NFS1: variants seen among roughly 807,000 people sequenced by gnomAD.
The protein encoded by NFS1 is cysteine desulfurase.
Under a neutral mutation model 57.3 loss-of-function variants are expected in NFS1, and 26 were observed. The observed-to-expected ratio is 0.45, with a 90% CI of 0.33 to 0.63. The LOEUF (loss-of-function observed/expected upper bound fraction) is 0.63. Ranked by LOEUF, NFS1 falls within the 20% of genes least tolerant of loss-of-function variation. The probability of loss-of-function intolerance (pLI) is 0.02; values close to 1 mark genes in which losing one functional copy is unlikely to be tolerated. For missense variants in NFS1, 505 were observed against 605.8 expected (o/e 0.83, Z 1.75); for synonymous variants, 209 against 216.3 (o/e 0.97, Z 0.30).
At chr20:35,691,866 T>C (rs978753698) in intron 4 of NFS1, among the ~76,000 whole-genome samples, 1 of 148,390 alleles carries the variant, frequency 6.7e-6, no homozygotes, top group African/African-American at 2.5e-5. Context: ...CTGACGAACA[T>C]GGTGGAACCC....
intron 4 of NFS1, among the ~76,000 whole-genome samples, chr20:35,696,031 T>C (rs1381308673): frequency 2.0e-5 from 3 of 150,468 alleles, no homozygotes; most frequent in Non-Finnish European, 4.4e-5. Flanking sequence ...AGAGTGAGAC[T>C]ATGTATCAAA....
chr20:35,698,006 G>A (rs903463915), intron 2 of NFS1, among the ~76,000 whole-genome samples: 3 of 151,972 alleles, frequency 2.0e-5, no homozygotes, highest in Non-Finnish European at 2.9e-5. Context: ...ATCCCAACTC[G>A]GATTGTTCTG....
At position 35,699,059 on chromosome 20, in the gene NFS1, G is replaced by A. The variant is rs1367047667; in HGVS notation, c.97+133C>T. On this transcript the variant is annotated intron_variant, in intron 1 of 12. Transcript: ENST00000374092. This position sits in a 1 kb window ranked among gnomAD's most constrained non-coding sequence, Gnocchi z 4.4. ...CGGGGACCCGCCTAAGAAAGTTTGA[G>A]GGATGTGTCATTTGAGAGAAGGGTC... The A allele has an allele frequency of 1.5e-6, 2 of 1,323,046 alleles. No homozygotes were observed. The highest frequency in any genetic ancestry group is 1.9e-6 in the Non-Finnish European group (2 of 1,039,132). 82.0% of individuals were successfully genotyped at this position (1,323,046 alleles called of 1,614,324 possible).
At chr20:35,686,483 T>C (rs1025623582) in intron 5 of NFS1, among the ~76,000 whole-genome samples, 16 of 152,176 alleles carry the variant, frequency 1.1e-4, no homozygotes, top group African/African-American at 3.6e-4. Context: ...AGCCAGTGAA[T>C]TGTATAATTT....
chr20:35,691,160 A>G (rs2035033472), intron 4 of NFS1, among the ~76,000 whole-genome samples: 1 of 152,208 alleles, frequency 6.6e-6, no homozygotes, highest in South Asian at 2.1e-4. Context: ...AATAGTATAC[A>G]GATTAATGTA....
chr20:35,688,072 T>C (rs2034975433), intron 5 of NFS1, among the ~76,000 whole-genome samples: 1 of 152,120 alleles, frequency 6.6e-6, no homozygotes, highest in Non-Finnish European at 1.5e-5. Context: ...GGTGAAACCC[T>C]GACTCTACTA....
In NFS1 at chr20:35,696,472, G is replaced by C. The variant is rs1263515534; in HGVS notation, c.325-12C>G. On this transcript the variant is annotated splice_polypyrimidine_tract_variant and intron_variant, in intron 3 of 12. Coordinates refer to ENST00000374092, the MANE Select transcript of NFS1 (RefSeq NM_021100.5). ...AGAGATGCTACTTGCTGCAAGCCAA[G>C]AAACAGAGATATATAACATCAGTTC... 2 of 1,607,920 alleles carry C rather than the reference G, an allele frequency of 1.2e-6. No homozygotes were observed. The highest frequency in any genetic ancestry group is 1.7e-6 in the Non-Finnish European group (2 of 1,174,416).
intron 4 of NFS1, among the ~76,000 whole-genome samples, chr20:35,692,527 T>TAAAAA (rs61052129): frequency 3.3e-4 from 14 of 42,738 alleles, no homozygotes; most frequent in Non-Finnish European, 5.5e-4. Context: ...TCATCTATAC[T>TAAAAA]AAAAAAAAAA....
intron 3 of NFS1, among the ~76,000 whole-genome samples, chr20:35,697,210 T>C (rs1433375445): frequency 6.8e-6 from 1 of 147,326 alleles, no homozygotes; most frequent in South Asian, 2.2e-4. Flanking sequence ...GGCAGCAGAA[T>C]CACTTGAACC....
At chr20:35,685,894 TAA>T (rs2034932776) in intron 5 of NFS1, among the ~76,000 whole-genome samples, 1 of 143,930 alleles carries the variant, frequency 6.9e-6, no homozygotes, top group South Asian at 2.2e-4. Context: ...AACACAGGGG[TAA>T]AACTCCATGA....
intron 5 of NFS1, among the ~76,000 whole-genome samples, chr20:35,683,886 G>A (rs1340109017): frequency 1.3e-5 from 2 of 151,784 alleles, no homozygotes; most frequent in Admixed American, 1.3e-4. Flanking sequence ...CCAGCACTTC[G>A]GCAGATCACC....
chr20:35,690,961 T>C (rs2035030673), intron 4 of NFS1, among the ~76,000 whole-genome samples: 1 of 152,158 alleles, frequency 6.6e-6, no homozygotes, highest in Non-Finnish European at 1.5e-5. Context: ...CTATGGACTT[T>C]GGGTGATAAT....
intron 5 of NFS1, among the ~76,000 whole-genome samples, chr20:35,688,430 G>A (rs1354996697): frequency 6.6e-6 from 1 of 152,018 alleles, no homozygotes; most frequent in East Asian, 1.9e-4. Flanking sequence ...GGTGGTGTAT[G>A]CCTGTAGTCC....
intron 3 of NFS1, 50 bp downstream of exon 3, chr20:35,697,634 G>T: frequency 4.0e-6 from 5 of 1,235,574 alleles, no homozygotes; most frequent in Non-Finnish European, 5.8e-6. Context: ...CCTCCCACAG[G>T]CCACTGCCCC....
At chr20:35,698,719 A>G in intron 1 of NFS1, 129 bp from the exon 2 acceptor site, 1 of 1,417,730 alleles carries the variant, frequency 7.1e-7, no homozygotes, top group African/African-American at 1.5e-5. Flanking sequence ...GTCGAATCTC[A>G]ATGGAAAGAA....
At chr20:35,672,917 C>T in intron 11 of NFS1, 73 bp from the exon 12 acceptor site, 6 of 831,384 alleles carry the variant, frequency 7.2e-6, no homozygotes, top group Non-Finnish European at 1.2e-5. Flanking sequence ...CGCAAATACT[C>T]ACTAAGGATC....
intron 4 of NFS1, 38 bp downstream of exon 4, chr20:35,696,339 G>A (rs1054808513): frequency 7.0e-7 from 1 of 1,421,618 alleles, no homozygotes; most frequent in Non-Finnish European, 1.0e-6. Context: ...TCCTAGGTCA[G>A]GAAAGCCCAC....
chr20:35,674,315 C>A, intron 10 of NFS1, 35 bp downstream of exon 10: 1 of 1,569,342 alleles, frequency 6.4e-7, no homozygotes, highest in Non-Finnish European at 8.8e-7. Context: ...TCTAAGTGGC[C>A]CTGCCGCAGG....
In NFS1 at chr20:35,669,098, G is replaced by A. The variant is rs555089270; in HGVS notation, c.*524C>T. 1.3e-5 allele frequency: 2 copies of A among 152,434 alleles called. No individual in the cohort carries two copies. The highest frequency in any genetic ancestry group is 4.8e-5 in the African/African-American group (2 of 41,572). 9.4% of individuals were successfully genotyped at this position (152,434 alleles called of 1,614,324 possible). On this transcript the variant is annotated 3_prime_UTR_variant, in exon 13 of 13. Coordinates refer to ENST00000374092, the MANE Select transcript of NFS1 (RefSeq NM_021100.5). ...TCAAAGGAAAGGAAAGAGGACAAGG[G>A]TAGAAAGGAGACAAGCCCTCTAAGA...
Sources: allele counts gnomAD v4.1 joint callset (sites outside exome capture counted in the v4.1 genomes callset), GRCh38; gene constraint gnomAD v4.1.1; non-coding constraint Gnocchi (gnomAD v3.1); transcripts MANE v1.5; gene names NCBI Gene and HGNC (gene_info 2026-07-23, HGNC 2026-07-21).